The following COL5A2 variants were observed in gnomAD, a reference collection of about 807,000 sequenced individuals.
The protein encoded by COL5A2 is collagen alpha-2(V) chain.
A neutral mutation model predicts 208.2 loss-of-function variants in COL5A2; 23 were observed. That is an observed-to-expected ratio of 0.11 (90% CI 0.08 to 0.16). The LOEUF (loss-of-function observed/expected upper bound fraction) is 0.16. Ranked by LOEUF, COL5A2 falls within the 10% of genes least tolerant of loss-of-function variation. The pLI is 1.00. For missense variants in COL5A2, 1,590 were observed against 1,956.4 expected, an observed-to-expected ratio of 0.81 and a Z score of 3.53; for synonymous variants, 625 against 628.5, an observed-to-expected ratio of 0.99 and a Z score of 0.08.
the COL5A2 span, among the ~76,000 whole-genome samples, chr2:189,300,064 GTTAGAGAACCCCT>G: frequency 6.6e-6 from 1 of 152,156 alleles, no homozygotes; most frequent in Non-Finnish European, 1.5e-5. Context: ...CAATCTCCAG[GTTAGAGAACCCCT>G]TTAGGGACTG....
the COL5A2 span, among the ~76,000 whole-genome samples, chr2:189,258,147 C>A: frequency 6.6e-6 from 1 of 151,988 alleles, no homozygotes; most frequent in Non-Finnish European, 1.5e-5. Context: ...AATAAATACA[C>A]CTAATCCCTT....
the COL5A2 span, among the ~76,000 whole-genome samples, chr2:189,242,976 C>T: frequency 1.3e-5 from 2 of 152,236 alleles, no homozygotes; most frequent in Admixed American, 6.5e-5. Context: ...AAAAAATTTC[C>T]TGACATCAAA....
chr2:189,102,230 C>T (rs1576528196), intron 3 of COL5A2, among the ~76,000 whole-genome samples: 1 of 151,898 alleles, frequency 6.6e-6, no homozygotes, highest in East Asian at 1.9e-4. Flanking sequence ...AATTTCCATC[C>T]TAAGAGACCT....
chr2:189,139,871 G>A (rs1687902493), intron 1 of COL5A2, among the ~76,000 whole-genome samples: 1 of 151,988 alleles, frequency 6.6e-6, no homozygotes, highest in Admixed American at 6.6e-5. Flanking sequence ...TCAGGAATTC[G>A]AGACTAGCCT....
chr2:189,307,537 A>T, the COL5A2 span, among the ~76,000 whole-genome samples: 1 of 152,202 alleles, frequency 6.6e-6, no homozygotes, highest in Non-Finnish European at 1.5e-5. Flanking sequence ...CAGGTGCTAT[A>T]ACAAACAATA....
intron 1 of COL5A2, among the ~76,000 whole-genome samples, chr2:189,190,999 T>C (rs567307838): frequency 6.6e-6 from 1 of 151,744 alleles, no homozygotes; most frequent in South Asian, 2.1e-4. Context: ...AGAACAATAA[T>C]AGGAGAACAG....
At chr2:189,103,749 G>C (rs1255692620) in intron 3 of COL5A2, among the ~76,000 whole-genome samples, 1 of 151,872 alleles carries the variant, frequency 6.6e-6, no homozygotes, top group South Asian at 2.1e-4. Context: ...GAGAGGAGGG[G>C]AAGAAATGTC....
intron 1 of COL5A2, among the ~76,000 whole-genome samples, chr2:189,212,864 A>AATAT (rs34736257): frequency 1.9e-4 from 27 of 144,258 alleles, no homozygotes; most frequent in African/African-American, 5.1e-4. Flanking sequence ...TATAGTGTTA[A>AATAT]ATATATATAT....
At chr2:189,219,569 C>A (rs945609029) in intron 1 of COL5A2, among the ~76,000 whole-genome samples, 2 of 151,928 alleles carry the variant, frequency 1.3e-5, no homozygotes, top group African/African-American at 4.8e-5. Context: ...ATGACTTAGG[C>A]AAGAAAGTGT....
chr2:189,236,133 T>G, the COL5A2 span, among the ~76,000 whole-genome samples: 1 of 151,774 alleles, frequency 6.6e-6, no homozygotes, highest in African/African-American at 2.4e-5. Flanking sequence ...GAGAAGACTC[T>G]GGGAACTTGC....
intron 1 of COL5A2, among the ~76,000 whole-genome samples, chr2:189,178,970 A>C (rs547403365): frequency 6.6e-6 from 1 of 152,312 alleles, no homozygotes; most frequent in Non-Finnish European, 1.5e-5. Flanking sequence ...ACAAATGAAA[A>C]TGGTAAAAAG....
chr2:189,257,541 A>G, the COL5A2 span, among the ~76,000 whole-genome samples: 7 of 152,228 alleles, frequency 4.6e-5, no homozygotes, highest in African/African-American at 1.7e-4. Context: ...AAATGCCAAA[A>G]TATCTAAGTT....
chr2:189,124,496 T>C lies in COL5A2; in HGVS notation c.98-14047A>G, dbSNP rs955468132. Among the ~76,000 whole-genome samples the C allele has an allele frequency of 2.0e-5, 3 of 152,148 alleles. No individual in the cohort carries two copies. The East Asian group carries it at 5.8e-4, about 29-fold the overall frequency. ...CCCAGAATATTCAGCTTGCATTATA[T>C]AAACATGACTCCGTTCAGCAAACAG... is the stretch of plus-strand genomic sequence containing the variant. On this transcript the variant is annotated intron_variant, in intron 1 of 53. Coordinates refer to ENST00000374866, the MANE Select transcript of COL5A2 (RefSeq NM_000393.5).
At chr2:189,312,077 G>A in the COL5A2 span, 8 of 772,168 alleles carry the variant, frequency 1.0e-5, no homozygotes, top group Admixed American at 1.7e-5. Context: ...GGGCATTGTC[G>A]ATCTGCAGAA....
intron 1 of COL5A2, among the ~76,000 whole-genome samples, chr2:189,194,407 C>A (rs1688969793): frequency 6.6e-6 from 1 of 152,158 alleles, no homozygotes; most frequent in Non-Finnish European, 1.5e-5. Context: ...ACATTTATTT[C>A]TCTCTGAGGT....
At chr2:189,409,497 AGTTT>A in the COL5A2 span, among the ~76,000 whole-genome samples, 3 of 152,112 alleles carry the variant, frequency 2.0e-5, no homozygotes, top group African/African-American at 7.2e-5. Context: ...AATTATCGTT[AGTTT>A]GTCATTAATA....
chr2:189,045,757 T>C (rs376440597), intron 46 of COL5A2, 43 bp downstream of exon 46: 1 of 1,466,142 alleles, frequency 6.8e-7, no homozygotes, highest in Non-Finnish European at 9.6e-7. Flanking sequence ...ACATAGCATA[T>C]GGGTGTGCAA....
rs139229616 is a variant in COL5A2 at position 189,035,029 on chromosome 2, C to T, written c.4240G>A (p.Asp1414Asn). 2,054 of 1,613,852 alleles carry T rather than the reference C, an allele frequency of 1.3e-3. 6 individuals are homozygous for T. The highest frequency in any genetic ancestry group is 1.9e-3 in the Admixed American group (116 of 60,000). Reference sequence around the variant, plus strand: ...GCTTTTTTGAGGTTCTTAGCTTGATCGTCCATGTATCCTACACTGTTTTTA... The same window carrying T: ...GCTTTTTTGAGGTTCTTAGCTTGATTGTCCATGTATCCTACACTGTTTTTA... ...ICKNSVGYMDDQAKNLKKAVV... is the reference protein window; with the variant it reads ...ICKNSVGYMDNQAKNLKKAVV... Residue 1414 changes from aspartate (D) to asparagine (N), a missense_variant, in exon 53 of 54, where the codon GAT becomes AAT. Asp to Asn is a conservative substitution (Grantham distance 23). Transcript: ENST00000374866.
chr2:189,045,290 A>G (rs1685642025), intron 46 of COL5A2, 58 bp from the exon 47 acceptor site: 2 of 1,128,352 alleles, frequency 1.8e-6, no homozygotes, highest in Non-Finnish European at 2.7e-6. Context: ...CACATATTAC[A>G]TAGATACAGG....
Sources: gnomAD v4.1 joint callset for allele counts (sites outside exome capture counted in the v4.1 genomes callset) on GRCh38, gnomAD v4.1.1 for gene constraint, MANE v1.5 for transcripts, NCBI Gene and HGNC (gene_info 2026-07-23, HGNC 2026-07-21) for gene names.